Variants in RIC1 observed in about 807,000 individuals in gnomAD.
RIC1 encodes the protein RIC1 partner of RAB6A GEF complex, also known as guanine nucleotide exchange factor subunit RIC1.
In RIC1, 88 loss-of-function variants were observed where a neutral mutation model predicts 169.0. The ratio of observed to expected loss-of-function variants is 0.52; its 90% CI spans 0.44 to 0.62. The LOEUF (loss-of-function observed/expected upper bound fraction) is 0.62, where lower values mean the gene tolerates loss of function less well. Among genes scored for constraint, RIC1 ranks in the 20% least tolerant of loss-of-function variants. The pLI is 0.00. For synonymous variants in RIC1, 790 were observed against 601.5 expected, an observed-to-expected ratio of 1.31 and a Z score of -4.59; for missense variants, 1,877 against 1,725.5, an observed-to-expected ratio of 1.09 and a Z score of -1.56.
intron 2 of RIC1, among the ~76,000 whole-genome samples, chr9:5,675,132 C>T (rs1185467872): frequency 6.6e-6 from 1 of 152,154 alleles, no homozygotes; most frequent in East Asian, 1.9e-4. Context: ...GCTGCTGTGT[C>T]GTTCCCCTCT....
chr9:5,772,682 G>A lies in RIC1; in HGVS notation c.3735G>A (p.Leu1245=). 1 of 1,613,730 alleles carries A rather than the reference G, an allele frequency of 6.2e-7. No individual in the cohort carries two copies. ...CACTCAGTTTAACTCAGTCAGAGCT[G>A]GAGCACATTTCCATGGAGTTGGCCA... is the stretch of plus-strand genomic sequence containing the variant. The part of the protein sequence containing the change: ...FSTLSLTQSE[L]EHISMELASK... The change falls in exon 24 of 26, where the codon CTG becomes CTA. Residue 1245 remains leucine (L), a synonymous_variant. Transcript: ENST00000414202.
intron 6 of RIC1, 90 bp downstream of exon 6, chr9:5,720,840 G>T (rs909651738): frequency 2.5e-6 from 3 of 1,189,308 alleles, no homozygotes; most frequent in African/African-American, 1.6e-5. Flanking sequence ...CATCATTCAT[G>T]TAAGATTTTA....
At chr9:5,747,590 A>G (rs1825457754) in intron 12 of RIC1, 85 bp downstream of exon 12, 1 of 1,171,112 alleles carries the variant, frequency 8.5e-7, no homozygotes, top group Non-Finnish European at 1.3e-6. Flanking sequence ...TCATCTGTTA[A>G]CTTCAGGCAA....
intron 2 of RIC1, among the ~76,000 whole-genome samples, chr9:5,689,206 G>A (rs918056995): frequency 1.1e-4 from 16 of 151,592 alleles, no homozygotes; most frequent in South Asian, 2.1e-4. Context: ...CTGCCACCAC[G>A]CCCGGCTAAT....
In RIC1 at chr9:5,774,308, G is replaced by GT. The variant is rs1352001221; in HGVS notation, c.*63dup. ...GCAGCAGCGTGCAGCTCAGTACGTT[G>GT]TAACATAGTTGGATGATTTAACAGG... On this transcript the variant is annotated 3_prime_UTR_variant, in exon 26 of 26. Transcript: ENST00000414202. 1 of 1,400,528 alleles carries GT rather than the reference G, an allele frequency of 7.1e-7. No individual in the cohort carries two copies. The highest frequency in any genetic ancestry group is 9.7e-7 in the Non-Finnish European group (1 of 1,035,612). The allele number at this position is 1,400,528 out of a possible 1,614,324, so 86.8% of individuals were successfully genotyped here. A position where few individuals can be genotyped will look rare whatever the true frequency, so the allele number is the denominator to read the frequency against.
Position 5,637,343 on chromosome 9 carries a change from A to G in RIC1, c.144+7890A>G, listed in dbSNP as rs148039217. On this transcript the variant is annotated intron_variant, in intron 1 of 25. Transcript: ENST00000414202. ...CTCGGGCTCCCAAAGTGCTGGGATT[A>G]CAGGCATGAGCCACTATACCCAGCC... Among the ~76,000 whole-genome samples the G allele has an allele frequency of 7.8e-3, 1,195 of 152,258 alleles. 14 individuals are homozygous for G. The highest frequency in any genetic ancestry group is 0.028 in the African/African-American group (1,147 of 41,538).
intron 19 of RIC1, 69 bp from the exon 20 acceptor site, chr9:5,765,345 T>C: frequency 2.0e-6 from 3 of 1,495,704 alleles, no homozygotes; most frequent in South Asian, 1.3e-5. Context: ...GAAAACGAGA[T>C]AAAGAATTGC....
intron 2 of RIC1, among the ~76,000 whole-genome samples, chr9:5,669,900 T>C (rs1023553793): frequency 9.9e-5 from 15 of 152,262 alleles, no homozygotes; most frequent in African/African-American, 3.1e-4. Flanking sequence ...TTAGGGGAGA[T>C]TGGAGGATGA....
intron 8 of RIC1, among the ~76,000 whole-genome samples, chr9:5,738,760 C>G (rs1376561410): frequency 2.0e-5 from 3 of 151,950 alleles, no homozygotes; most frequent in African/African-American, 7.3e-5. Context: ...TAGAAGTTTT[C>G]TGCTTGTATA....
chr9:5,682,543 G>A (rs897695242), intron 2 of RIC1, among the ~76,000 whole-genome samples: 1 of 151,864 alleles, frequency 6.6e-6, no homozygotes, highest in African/African-American at 2.4e-5. Context: ...TAGTCTGATG[G>A]GCTTCTCTTT....
intron 2 of RIC1, among the ~76,000 whole-genome samples, chr9:5,665,443 T>A (rs1042750987): frequency 6.6e-6 from 1 of 152,198 alleles, no homozygotes; most frequent in Non-Finnish European, 1.5e-5. Flanking sequence ...CTTCTGTCAT[T>A]CAGCTTTCTC....
At chr9:5,761,209 G>A (rs888955925) in intron 17 of RIC1, among the ~76,000 whole-genome samples, 1 of 148,800 alleles carries the variant, frequency 6.7e-6, no homozygotes, top group Non-Finnish European at 1.5e-5. Context: ...CGTCTCCCGG[G>A]TTCAAGTGAT....
intron 2 of RIC1, among the ~76,000 whole-genome samples, chr9:5,672,451 A>G (rs894396224): frequency 6.6e-5 from 10 of 152,238 alleles, no homozygotes; most frequent in Admixed American, 1.3e-4. Context: ...GAAAAATTCA[A>G]CAGATGAACT....
In RIC1 at chr9:5,675,524, T is replaced by C. The variant is rs528404874; in HGVS notation, c.253-14435T>C. 8.4e-4 allele frequency among the ~76,000 whole-genome samples: 128 copies of C among 152,372 alleles called. 1 individual carries two copies. The highest frequency in any genetic ancestry group is 1.5e-3 in the Non-Finnish European group (105 of 68,036). On this transcript the variant is annotated intron_variant, in intron 2 of 25. Transcript: ENST00000414202. ...AATATTAAATTATTTTGTTACTCTT[T>C]ATGTACTTTATTTCTTCAACTTACG...
At chr9:5,675,742 G>A (rs1685570439) in intron 2 of RIC1, among the ~76,000 whole-genome samples, 4 of 152,080 alleles carry the variant, frequency 2.6e-5, no homozygotes, top group Admixed American at 1.3e-4. Flanking sequence ...ATAACATGGA[G>A]GAATCATATG....
chr9:5,757,273 C>T (rs376141071), intron 16 of RIC1, 40 bp from the exon 17 acceptor site: 21 of 1,607,642 alleles, frequency 1.3e-5, no homozygotes, highest in East Asian at 2.2e-5. Context: ...ATCTTATTAG[C>T]ATTGTTGTTG....
At chr9:5,769,631 G>A in intron 22 of RIC1, 1 of 395,996 alleles carries the variant, frequency 2.5e-6, no homozygotes, top group Non-Finnish European at 4.4e-6. Context: ...GGAACAGTAA[G>A]GCCACCTTCT....
At chr9:5,666,333 T>G (rs1040836293) in intron 2 of RIC1, among the ~76,000 whole-genome samples, 2 of 152,238 alleles carry the variant, frequency 1.3e-5, no homozygotes, top group South Asian at 4.1e-4. Flanking sequence ...ATAATTTTTG[T>G]GTGCATTATT....
intron 23 of RIC1, among the ~76,000 whole-genome samples, chr9:5,772,265 T>C (rs1827274265): frequency 6.6e-6 from 1 of 152,220 alleles, no homozygotes; most frequent in Non-Finnish European, 1.5e-5. Context: ...CTCTATTTCC[T>C]GTAGTAGCTG....
Sources: gnomAD v4.1 joint callset for allele counts (sites outside exome capture counted in the v4.1 genomes callset) on GRCh38, gnomAD v4.1.1 for gene constraint, MANE v1.5 for transcripts, NCBI Gene and HGNC (gene_info 2026-07-23, HGNC 2026-07-21) for gene names.